Variants in SMU1 observed in about 807,000 individuals in gnomAD.
The protein encoded by SMU1 is WD40 repeat-containing protein SMU1.
Under a neutral mutation model 62.0 loss-of-function variants are expected in SMU1, and 2 were observed. The ratio of observed to expected loss-of-function variants is 0.03; its 90% CI spans 0.01 to 0.10. SMU1 has a LOEUF of 0.10. Among genes scored for constraint, SMU1 ranks in the 10% least tolerant of loss-of-function variants. The probability of loss-of-function intolerance (pLI) is 1.00; values close to 1 mark genes in which losing one functional copy is unlikely to be tolerated. For missense variants in SMU1, 227 were observed against 622.1 expected (o/e 0.36, Z 6.76); for synonymous variants, 188 against 212.4 (o/e 0.89, Z 1.00).
chr9:33,058,204 T>A (rs563162369), intron 6 of SMU1, among the ~76,000 whole-genome samples: 95 of 152,222 alleles, frequency 6.2e-4, no homozygotes, highest in Non-Finnish European at 1.1e-3. Context: ...GACTGCTTCC[T>A]GGTTTAAAAA....
At position 33,062,049 on chromosome 9, in the gene SMU1, C is replaced by A. The variant is rs1363757338; in HGVS notation, c.630G>T (p.Lys210Asn). The A allele has an allele frequency of 6.2e-7, 1 of 1,613,188 alleles. No individual in the cohort carries two copies. The highest frequency in any genetic ancestry group is 1.3e-5 in the African/African-American group (1 of 75,014). The part of the protein sequence containing the change: ...KFPTQLSRHI[K>N]FGQKSHVECA... ...CTGGCTGAATGTCTTAGGATCCTACCTTAATATGCCTGCTCAGTTGTGTAG... is the reference window on the plus strand; with the variant it reads ...CTGGCTGAATGTCTTAGGATCCTACATTAATATGCCTGCTCAGTTGTGTAG... Residue 210 changes from lysine to asparagine, a missense_variant and splice_region_variant, in exon 5 of 12, where the codon AAG (lysine) becomes AAT (asparagine). Around this residue, in one of 5 missense-constraint regions of SMU1, gnomAD observed 99 missense variants for 270.3 expected, o/e 0.37. Transcript: ENST00000397149.
At chr9:33,050,063 ACAACAAC>A (rs1177047702) in intron 10 of SMU1, among the ~76,000 whole-genome samples, 4 of 152,270 alleles carry the variant, frequency 2.6e-5, no homozygotes, top group African/African-American at 9.6e-5. Flanking sequence ...CAACAGTAAG[ACAACAAC>A]CCCATTGAAA....
rs552672321 is a variant in SMU1 at position 33,071,836 on chromosome 9, T to C, written c.294A>G (p.Arg98=). 1.1e-5 allele frequency: 18 copies of C among 1,602,780 alleles called. No homozygotes were observed. The South Asian group carries it at 2.0e-4, about 18-fold the overall frequency. Residue 98 remains arginine (R), a synonymous_variant, in exon 3 of 12, where the codon AGA becomes AGG. Transcript: ENST00000397149. ...TTAACATGATCATGGGATCAGTCTG[T>C]CTCAAAAGTGACCTGGCAGCACCCA... ...RELGAARSLL[R]QTDPMIMLKQ... is the part of the protein sequence containing the mutation.
chr9:33,055,013 G>C (rs1839288964), intron 9 of SMU1, among the ~76,000 whole-genome samples: 1 of 152,154 alleles, frequency 6.6e-6, no homozygotes, highest in Non-Finnish European at 1.5e-5. Flanking sequence ...CATATGCATA[G>C]CATGAGAGCA....
Position 33,056,222 on chromosome 9 carries a change from G to A in SMU1, c.1013C>T (p.Ser338Phe). Residue 338 changes from serine to phenylalanine, a missense_variant, in exon 9 of 12, where the codon TCT becomes TTT. Around this residue, in one of 5 missense-constraint regions of SMU1, gnomAD observed 98 missense variants for 195.9 expected, o/e 0.50. Transcript: ENST00000397149. ...DQTIRIHGLK[S>F]GKTLKEFRGH... ...ACGAAATTCCTTCAGGGTTTTCCCAGATTTTAAACCATGAATTCTACCAAA... is the reference window on the plus strand; with the variant it reads ...ACGAAATTCCTTCAGGGTTTTCCCAAATTTTAAACCATGAATTCTACCAAA... 6.2e-7 allele frequency: 1 copy of A among 1,611,752 alleles called. No individual in the cohort carries two copies. Among genetic ancestry groups the A allele is most frequent in the Non-Finnish European group, 8.5e-7 (1 of 1,178,772 alleles).
At chr9:33,054,023 G>A (rs1199955215) in intron 9 of SMU1, among the ~76,000 whole-genome samples, 1 of 152,180 alleles carries the variant, frequency 6.6e-6, no homozygotes, top group African/African-American at 2.4e-5. Flanking sequence ...GGTGGCTCAC[G>A]CCTGTAATGT....
intron 4 of SMU1, among the ~76,000 whole-genome samples, chr9:33,065,517 T>C (rs1218003923): frequency 3.9e-5 from 6 of 152,034 alleles, no homozygotes; most frequent in Non-Finnish European, 8.8e-5. Context: ...TAGTTAAATT[T>C]TAGAAGGTGA....
At chr9:33,075,972 G>A (rs958971670) in intron 1 of SMU1, among the ~76,000 whole-genome samples, 1 of 152,070 alleles carries the variant, frequency 6.6e-6, no homozygotes, top group Non-Finnish European at 1.5e-5. Context: ...GTGCCAGATC[G>A]GGCCTGATAG....
intron 10 of SMU1, among the ~76,000 whole-genome samples, chr9:33,051,569 G>T (rs1185300568): frequency 6.6e-6 from 1 of 152,180 alleles, no homozygotes; most frequent in African/African-American, 2.4e-5. Flanking sequence ...GGGAGGGACA[G>T]AAGAAATATG....
At chr9:33,055,050 T>C (rs1839289403) in intron 9 of SMU1, among the ~76,000 whole-genome samples, 1 of 152,178 alleles carries the variant, frequency 6.6e-6, no homozygotes, top group African/African-American at 2.4e-5. Context: ...TACTAACAGC[T>C]CTGTGTGATT....
intron 4 of SMU1, among the ~76,000 whole-genome samples, chr9:33,067,545 C>A (rs1839436556): frequency 6.8e-6 from 1 of 147,762 alleles, no homozygotes. Context: ...GTCTCCCAGG[C>A]TGGAGTGCAA....
chr9:33,059,123 G>T (rs1373692596), intron 6 of SMU1, among the ~76,000 whole-genome samples: 1 of 152,014 alleles, frequency 6.6e-6, no homozygotes, highest in East Asian at 1.9e-4. Flanking sequence ...AAATAAAATG[G>T]GTGGTTAAAT....
chr9:33,047,515 G>A, intron 11 of SMU1, 124 bp from the exon 12 acceptor site: 1 of 628,102 alleles, frequency 1.6e-6, no homozygotes, highest in Admixed American at 3.4e-5. Context: ...AAATGGCATA[G>A]GAGAAAGATG....
At chr9:33,075,173 G>A (rs1400046106) in intron 1 of SMU1, among the ~76,000 whole-genome samples, 1 of 152,142 alleles carries the variant, frequency 6.6e-6, no homozygotes, top group Non-Finnish European at 1.5e-5. Context: ...TCAGGAGATC[G>A]AGACCATCCT....
intron 10 of SMU1, among the ~76,000 whole-genome samples, chr9:33,049,764 C>CCACACACACACACACACACA (rs61036431): frequency 1.6e-3 from 243 of 148,508 alleles, no homozygotes; most frequent in Middle Eastern, 0.01. Context: ...GACCCCATTT[C>CCACACACACACACACACACA]CACACACACA....
chr9:33,076,474 G>GC (rs1475960510), intron 1 of SMU1, 109 bp downstream of exon 1: 1 of 1,321,258 alleles, frequency 7.6e-7, no homozygotes, highest in African/African-American at 1.4e-5. Flanking sequence ...CAAGGAAATG[G>GC]CCCTCCACTC....
In SMU1 at chr9:33,051,600, C is replaced by T. The variant is rs970708505; in HGVS notation, c.1290+1523G>A. On this transcript the variant is annotated intron_variant, in intron 10 of 11. Coordinates refer to ENST00000397149, the MANE Select transcript of SMU1 (RefSeq NM_018225.3). ...ATATGGGAACCGTCCGTATTTTCTGCTCAATTTTGCTGTGAACCTAAAACT... is the reference window on the plus strand; with the variant it reads ...ATATGGGAACCGTCCGTATTTTCTGTTCAATTTTGCTGTGAACCTAAAACT... Among the ~76,000 whole-genome samples, 2 of 152,248 alleles carry T rather than the reference C, an allele frequency of 1.3e-5. 1 individual carries two copies. Among genetic ancestry groups the T allele is most frequent in the Non-Finnish European group, 2.9e-5 (2 of 68,026 alleles).
In SMU1 at chr9:33,053,234, G is replaced by A. The variant is rs767885384; in HGVS notation, c.1179C>T (p.Thr393=). ...TGTTGACGGTAATATCTGTCCCTGCGGTGCTGCCCAGGGATTTAAAGGTAT... is the reference window on the plus strand; with the variant it reads ...TGTTGACGGTAATATCTGTCCCTGCAGTGCTGCCCAGGGATTTAAAGGTAT... ...CSNTFKSLGS[T]AGTDITVNSV... Residue 393 remains threonine, a synonymous_variant, in exon 10 of 12, where the codon ACC becomes ACT. Transcript: ENST00000397149. 1.3e-5 allele frequency: 21 copies of A among 1,612,506 alleles called. No homozygotes were observed. Among genetic ancestry groups the A allele is most frequent in the South Asian group, 3.3e-5 (3 of 91,024 alleles).
At chr9:33,052,459 T>C (rs184538720) in intron 10 of SMU1, among the ~76,000 whole-genome samples, 1 of 152,300 alleles carries the variant, frequency 6.6e-6, no homozygotes, top group Non-Finnish European at 1.5e-5. Flanking sequence ...CAGCTATGGA[T>C]TCTCAACTAC....
Sources: allele counts gnomAD v4.1 joint callset (sites outside exome capture counted in the v4.1 genomes callset), GRCh38; gene constraint gnomAD v4.1.1; regional missense constraint gnomAD v4.1.1; transcripts MANE v1.5; gene names NCBI Gene and HGNC (gene_info 2026-07-23, HGNC 2026-07-21).